ZNF596: variants seen among roughly 807,000 people sequenced by gnomAD.
ZNF596 encodes zinc finger protein 596.
ZNF596 carries 45 observed loss-of-function variants against 48.3 expected under a neutral mutation model. The observed-to-expected ratio is 0.93, with a 90% CI of 0.73 to 1.19. ZNF596 has a LOEUF of 1.19. ZNF596 is among the 50% of genes most tolerant of loss of function. The pLI is 0.00. For synonymous variants in ZNF596, 270 were observed against 202.0 expected, an observed-to-expected ratio of 1.34 and a Z score of -2.85; for missense variants, 848 against 599.7, an observed-to-expected ratio of 1.41 and a Z score of -4.32.
intron 1 of ZNF596, among the ~76,000 whole-genome samples, chr8:238,862 A>G (rs776203810): frequency 6.6e-5 from 10 of 150,760 alleles, no homozygotes; most frequent in Non-Finnish European, 1.0e-4. Flanking sequence ...AATTACAGGT[A>G]ATTGCCTTAA....
intron 1 of ZNF596, among the ~76,000 whole-genome samples, chr8:238,886 G>A (rs1796735390): frequency 7.8e-6 from 1 of 127,416 alleles, no homozygotes; most frequent in Non-Finnish European, 1.6e-5. Flanking sequence ...AGGTCAATGA[G>A]CTATGAGACA....
Position 246,193 on chromosome 8 carries a change from G to T in ZNF596, c.1346G>T (p.Cys449Phe). 1 of 1,614,140 alleles carries T rather than the reference G, an allele frequency of 6.2e-7. No homozygotes were observed. The highest frequency in any genetic ancestry group is 8.5e-7 in the Non-Finnish European group (1 of 1,180,024). The change falls in exon 6 of 6, where the codon TGC (cysteine) becomes TTC (phenylalanine). Residue 449 changes from cysteine to phenylalanine, a missense_variant. Transcript: ENST00000398612. ...RTHTGEKPYECNICGKAFNRS... is the reference protein window; with the variant it reads ...RTHTGEKPYEFNICGKAFNRS... ...CACACTGGAGAGAAACCATATGAAT[G>T]CAATATATGTGGTAAAGCCTTCAAT...
At position 245,360 on chromosome 8, in the gene ZNF596, A is replaced by AT; in HGVS notation, c.516dup (p.Asp173Ter). On this transcript the variant is annotated frameshift_variant, in exon 6 of 6. Coordinates refer to ENST00000398612, the MANE Select transcript of ZNF596 (RefSeq NM_001042416.3). LOFTEE classifies it high-confidence loss of function. ...AATGTAAATCATATGGAAGTCATCT[A>AT]TTTGATTATGCCTTTATCCAAAACT... The AT allele has an allele frequency of 6.2e-7, 1 of 1,614,148 alleles. No individual in the cohort carries two copies. The highest frequency in any genetic ancestry group is 8.5e-7 in the Non-Finnish European group (1 of 1,179,972).
At chr8:232,921 A>G in intron 1 of ZNF596, 1 of 468,368 alleles carries the variant, frequency 2.1e-6, no homozygotes, top group South Asian at 1.5e-5. Flanking sequence ...TCCTGTAACA[A>G]CCCTCGTGCT....
chr8:245,447 T>G lies in ZNF596; in HGVS notation c.600T>G (p.Cys200Trp), dbSNP rs545694820. Reference sequence around the variant, plus strand: ...AGATAACATTGGAATGTCGTGTGTGTGGGAAAACCTTTAGCAAAAATTCTA... The same window carrying G: ...AGATAACATTGGAATGTCGTGTGTGGGGGAAAACCTTTAGCAAAAATTCTA... ...TREITLECRV[C>W]GKTFSKNSNL... Residue 200 changes from cysteine to tryptophan, a missense_variant, in exon 6 of 6, where the codon TGT becomes TGG. Transcript: ENST00000398612. 3.1e-6 allele frequency: 5 copies of G among 1,614,072 alleles called. No individual in the cohort carries two copies. The highest frequency in any genetic ancestry group is 1.1e-5 in the South Asian group (1 of 91,088).
In ZNF596 at chr8:245,746, C is replaced by G; in HGVS notation, c.899C>G (p.Thr300Ser). The change falls in exon 6 of 6, where the codon ACT (threonine) becomes AGT (serine). Residue 300 changes from threonine to serine, a missense_variant. Transcript: ENST00000398612. The stretch of plus-strand genomic sequence containing the variant: ...TCTGACCTTAGAAAACATGAGAGAA[C>G]TCACTTAGGAGATAAACCATATGGA... ...HCSDLRKHER[T>S]HLGDKPYGCL... 6.2e-7 allele frequency: 1 copy of G among 1,613,988 alleles called. No individual in the cohort carries two copies. The highest frequency in any genetic ancestry group is 8.5e-7 in the Non-Finnish European group (1 of 1,179,998).
chr8:243,527 CT>C (rs1188628903), intron 3 of ZNF596, 194 bp from the exon 4 acceptor site: 4 of 460,204 alleles, frequency 8.7e-6, no homozygotes, highest in African/African-American at 8.0e-5. Flanking sequence ...AATTATAGGT[CT>C]TTTATGTCTG....
intron 1 of ZNF596, chr8:237,674 C>T (rs917993882): frequency 2.6e-5 from 4 of 152,168 alleles, no homozygotes; most frequent in African/African-American, 9.7e-5. Flanking sequence ...GTGGAATTAG[C>T]AGTTTCTCTT....
At chr8:241,457 A>C (rs1234482582) in intron 2 of ZNF596, among the ~76,000 whole-genome samples, 1 of 152,228 alleles carries the variant, frequency 6.6e-6, no homozygotes, top group Admixed American at 6.5e-5. Flanking sequence ...TCTTGAGAGA[A>C]TAAATGTGAA....
Position 246,554 on chromosome 8 carries a change from T to C in ZNF596, c.*192T>C, listed in dbSNP as rs1304326211. On this transcript the variant is annotated 3_prime_UTR_variant, in exon 6 of 6. Transcript: ENST00000398612. ...CAAACTTCAGACTCTAGGCTGACCA[T>C]ATACAACGTGAGAGAATGAAACTAT... 7 of 587,144 alleles carry C rather than the reference T, an allele frequency of 1.2e-5. No individual in the cohort carries two copies. Among genetic ancestry groups the C allele is most frequent in the Non-Finnish European group, 1.9e-5 (7 of 360,826 alleles). The allele number at this position is 587,144 out of a possible 1,614,324, so 36.4% of individuals were successfully genotyped here.
chr8:233,533 C>G (rs1414780955), intron 1 of ZNF596: 1 of 181,836 alleles, frequency 5.5e-6, no homozygotes, highest in Admixed American at 6.0e-5. Context: ...TTTATATGAT[C>G]TCTGTATTTA....
chr8:242,718 A>G (rs1258375226), intron 2 of ZNF596, among the ~76,000 whole-genome samples, 169 bp from the exon 3 acceptor site: 1 of 152,224 alleles, frequency 6.6e-6, no homozygotes, highest in Admixed American at 6.5e-5. Context: ...TAAATCTGAA[A>G]GCCAGATTCC....
rs1321223859 is a variant in ZNF596, at chr8:246,141, T to G, written c.1294T>G (p.Ser432Ala). 1.9e-6 allele frequency: 3 copies of G among 1,613,518 alleles called. No individual in the cohort carries two copies. Among genetic ancestry groups the G allele is most frequent in the South Asian group, 2.2e-5 (2 of 91,084 alleles). ...HLCGKAFNHS[S>A]VLRRHERTHT... ...ATGCGGAAAAGCCTTCAATCACTCTTCTGTCCTTAGACGACATGAGAGAAC... is the reference window on the plus strand; with the variant it reads ...ATGCGGAAAAGCCTTCAATCACTCTGCTGTCCTTAGACGACATGAGAGAAC... Residue 432 changes from serine to alanine, a missense_variant, in exon 6 of 6, where the codon TCT (serine) becomes GCT (alanine). Ser to Ala is a moderately conservative substitution (Grantham distance 99). Transcript: ENST00000398612.
intron 4 of ZNF596, chr8:244,018 G>C (rs941245615): frequency 2.5e-6 from 1 of 393,220 alleles, no homozygotes. Context: ...CTCCCGAGTA[G>C]CTAGGACTAC....
Position 238,151 on chromosome 8 carries a change from A to G in ZNF596, c.-72-2673A>G, listed in dbSNP as rs112859922. 1.1e-3 allele frequency among the ~76,000 whole-genome samples: 168 copies of G among 152,258 alleles called. 2 individuals carry two copies. Among genetic ancestry groups the G allele is most frequent in the Middle Eastern group, 6.8e-3 (2 of 292 alleles). On this transcript the variant is annotated intron_variant, in intron 1 of 5. Coordinates refer to ENST00000398612, the MANE Select transcript of ZNF596 (RefSeq NM_001042416.3). Reference sequence around the variant, plus strand: ...CACAGGGGCCTTGGATGTCTTTCTTATACCTCCATTGTCTGCAGCGTGACT... The same window carrying G: ...CACAGGGGCCTTGGATGTCTTTCTTGTACCTCCATTGTCTGCAGCGTGACT...
At chr8:240,284 T>G (rs568458648) in intron 1 of ZNF596, 1 of 152,352 alleles carries the variant, frequency 6.6e-6, no homozygotes, top group Admixed American at 6.5e-5. Context: ...GATAAATTCA[T>G]GCTACATTTA....
chr8:233,365 G>C, intron 1 of ZNF596: 1 of 329,440 alleles, frequency 3.0e-6, no homozygotes, highest in Non-Finnish European at 6.2e-6. Flanking sequence ...AATTTATTGT[G>C]TCAGGTTCAG....
chr8:242,775 G>C (rs1796906774), intron 2 of ZNF596, 112 bp from the exon 3 acceptor site: 2 of 1,043,820 alleles, frequency 1.9e-6, no homozygotes, highest in South Asian at 6.7e-5. Flanking sequence ...ACACTGTTTT[G>C]AGTTTTCTGT....
At chr8:233,803 C>T (rs1796519297) in intron 1 of ZNF596, 1 of 152,158 alleles carries the variant, frequency 6.6e-6, no homozygotes, top group Non-Finnish European at 1.5e-5. Flanking sequence ...TGCTTTTAAT[C>T]AATATGATTA....
Sources: allele counts gnomAD v4.1 joint callset (sites outside exome capture counted in the v4.1 genomes callset), GRCh38; gene constraint gnomAD v4.1.1; transcripts MANE v1.5; gene names NCBI Gene and HGNC (gene_info 2026-07-23, HGNC 2026-07-21).